The following MAGI2 variants were observed in gnomAD, a reference collection of about 807,000 sequenced individuals.
MAGI2 encodes the protein membrane-associated guanylate kinase, WW and PDZ domain-containing protein 2.
A neutral mutation model predicts 133.3 loss-of-function variants in MAGI2; 35 were observed. That is an observed-to-expected ratio of 0.26 (90% CI 0.20 to 0.35). The LOEUF is 0.35. Ranked by LOEUF, MAGI2 falls within the 10% of genes least tolerant of loss-of-function variation. The pLI, the probability that MAGI2 is intolerant of heterozygous loss-of-function variation, is 1.00. For synonymous variants in MAGI2, 729 were observed against 710.6 expected (o/e 1.03, Z -0.41); for missense variants, 1,636 against 1,863.4 (o/e 0.88, Z 2.25).
chr7:78,960,153 CAG>C (rs1382269407), intron 2 of MAGI2, among the ~76,000 whole-genome samples: 1 of 151,862 alleles, frequency 6.6e-6, no homozygotes, highest in African/African-American at 2.4e-5. Context: ...TCAGAGGAGA[CAG>C]AGAAATGATG....
At chr7:79,019,629 C>T (rs1246841105) in intron 1 of MAGI2, among the ~76,000 whole-genome samples, 1 of 152,016 alleles carries the variant, frequency 6.6e-6, no homozygotes, top group Non-Finnish European at 1.5e-5. Context: ...GCTTCCACTT[C>T]TGCATCCTGG....
chr7:78,235,148 C>A (rs542588416), intron 10 of MAGI2, among the ~76,000 whole-genome samples: 561 of 152,256 alleles, frequency 3.7e-3, no homozygotes, highest in Middle Eastern at 6.8e-3. Flanking sequence ...ACATATTTTA[C>A]ATAATAGTAA....
At chr7:78,122,416 T>A (rs1333505514) in intron 20 of MAGI2, among the ~76,000 whole-genome samples, 2 of 152,080 alleles carry the variant, frequency 1.3e-5, no homozygotes, top group Admixed American at 1.3e-4. Flanking sequence ...GATGGGCAAA[T>A]GATATTTTTT....
chr7:78,438,352 T>C (rs997803452), intron 6 of MAGI2, among the ~76,000 whole-genome samples: 1 of 152,156 alleles, frequency 6.6e-6, no homozygotes, highest in African/African-American at 2.4e-5. Context: ...TTCACTTGTA[T>C]TGGTGACAAG....
At chr7:78,511,553 T>TAAA (rs1795580191) in intron 4 of MAGI2, among the ~76,000 whole-genome samples, 24 of 79,142 alleles carry the variant, frequency 3.0e-4, no homozygotes, top group Middle Eastern at 8.9e-3. Context: ...ATATATAAAT[T>TAAA]TTTTTTTTTT....
intron 6 of MAGI2, among the ~76,000 whole-genome samples, chr7:78,409,742 C>T (rs1221250527): frequency 1.3e-5 from 2 of 151,948 alleles, no homozygotes; most frequent in Non-Finnish European, 2.9e-5. Flanking sequence ...AGATGAGACA[C>T]GCAGATTTAG....
At chr7:78,804,425 A>G (rs1788334970) in intron 2 of MAGI2, among the ~76,000 whole-genome samples, 1 of 151,938 alleles carries the variant, frequency 6.6e-6, no homozygotes, top group Non-Finnish European at 1.5e-5. Context: ...ATATTAATAA[A>G]CAAAATAAAA....
At chr7:78,954,619 A>G (rs1320486225) in intron 2 of MAGI2, among the ~76,000 whole-genome samples, 1 of 152,110 alleles carries the variant, frequency 6.6e-6, no homozygotes, top group Admixed American at 6.6e-5. Context: ...CCTAATTTAG[A>G]CTGTACCTAC....
intron 1 of MAGI2, among the ~76,000 whole-genome samples, chr7:79,195,064 A>C (rs1471495978): frequency 6.6e-6 from 1 of 151,992 alleles, no homozygotes; most frequent in Non-Finnish European, 1.5e-5. Context: ...ATACTTTCTA[A>C]TTTTATTATT....
chr7:78,973,459 C>T (rs1169520302), intron 2 of MAGI2, among the ~76,000 whole-genome samples: 2 of 151,632 alleles, frequency 1.3e-5, no homozygotes, highest in African/African-American at 2.4e-5. Flanking sequence ...TTCCATTCCT[C>T]TGTGCAAGGA....
chr7:78,925,140 G>A (rs905959955), intron 2 of MAGI2, among the ~76,000 whole-genome samples: 2 of 151,818 alleles, frequency 1.3e-5, no homozygotes, highest in South Asian at 2.1e-4. Context: ...TCCCTTTTAC[G>A]CATCCCAAAA....
intron 2 of MAGI2, among the ~76,000 whole-genome samples, chr7:78,908,400 G>A (rs1010778191): frequency 2.0e-5 from 3 of 152,176 alleles, no homozygotes; most frequent in Non-Finnish European, 4.4e-5. Flanking sequence ...ACAGCTGGGT[G>A]GTGAACTCTG....
At chr7:78,687,969 T>TAAAAAAAAAAGAAAAA (rs1816526736) in intron 2 of MAGI2, among the ~76,000 whole-genome samples, 1 of 67,226 alleles carries the variant, frequency 1.5e-5, no homozygotes, top group Non-Finnish European at 2.8e-5. Flanking sequence ...GTCCTTGCCT[T>TAAAAAAAAAAGAAAAA]AAAAAAAAAA....
chr7:79,232,068 T>A (rs552900133), intron 1 of MAGI2, among the ~76,000 whole-genome samples: 5,803 of 152,198 alleles, frequency 0.038, 177 homozygotes, highest in African/African-American at 0.077. Flanking sequence ...TTTTTGTCTT[T>A]GGCTCTGTTT....
intron 1 of MAGI2, among the ~76,000 whole-genome samples, chr7:79,178,699 G>A (rs1387205205): frequency 2.0e-5 from 3 of 151,060 alleles, no homozygotes; most frequent in Non-Finnish European, 4.4e-5. Flanking sequence ...GCAACAGAGT[G>A]AGACTCCATT....
chr7:79,423,556 A>T (rs897251106), intron 1 of MAGI2, among the ~76,000 whole-genome samples: 1 of 152,072 alleles, frequency 6.6e-6, no homozygotes, highest in East Asian at 1.9e-4. Flanking sequence ...TTTTGTGAGG[A>T]GACGAGTCTT....
At chr7:79,245,560 G>A (rs1446502596) in intron 1 of MAGI2, among the ~76,000 whole-genome samples, 1 of 152,188 alleles carries the variant, frequency 6.6e-6, no homozygotes, top group East Asian at 1.9e-4. Flanking sequence ...GGAAAGGGAT[G>A]GTAATAATGG....
At chr7:78,021,929 T>A (rs1331287973) in intron 21 of MAGI2, among the ~76,000 whole-genome samples, 5 of 152,218 alleles carry the variant, frequency 3.3e-5, no homozygotes, top group African/African-American at 1.2e-4. Flanking sequence ...ATTTTTCTTC[T>A]GTACCCCACC....
chr7:78,653,427 A>G (rs1195708509), intron 2 of MAGI2, among the ~76,000 whole-genome samples: 1 of 152,234 alleles, frequency 6.6e-6, no homozygotes, highest in Admixed American at 6.5e-5. Context: ...AATGTGGCAC[A>G]TATACATTAT....
Sources: allele counts gnomAD v4.1 joint callset (sites outside exome capture counted in the v4.1 genomes callset), GRCh38; gene constraint gnomAD v4.1.1; transcripts MANE v1.5; gene names NCBI Gene and HGNC (gene_info 2026-07-23, HGNC 2026-07-21).